The following FOXN3 variants were observed in gnomAD, a reference collection of about 807,000 sequenced individuals.
The protein encoded by FOXN3 is forkhead box N3.
A neutral mutation model predicts 38.4 loss-of-function variants in FOXN3; 7 were observed. The observed-to-expected ratio is 0.18, with a 90% CI of 0.10 to 0.34. FOXN3 has a LOEUF of 0.34. Among genes scored for constraint, FOXN3 ranks in the 10% least tolerant of loss-of-function variants. The pLI is 1.00. For missense variants in FOXN3, 456 were observed against 613.4 expected (o/e 0.74, Z 2.71); for synonymous variants, 230 against 242.2 (o/e 0.95, Z 0.47).
In FOXN3 at chr14:89,261,619, C is replaced by T. The variant is rs533328409; in HGVS notation, c.745+19331G>A. ...GACCAGCCCAGCCAACAGGGTGAAA[C>T]CCTGTCTGTACTAAAAATACAAAAA... On this transcript the variant is annotated intron_variant, in intron 4 of 5. Transcript: ENST00000557258. Among the ~76,000 whole-genome samples the T allele has an allele frequency of 6.7e-4, 102 of 152,142 alleles. 1 individual carries two copies. The highest frequency in any genetic ancestry group is 2.3e-3 in the African/African-American group (97 of 41,508).
At chr14:89,359,930 C>T (rs532269952) in intron 2 of FOXN3, among the ~76,000 whole-genome samples, 2 of 152,150 alleles carry the variant, frequency 1.3e-5, no homozygotes, top group African/African-American at 2.4e-5. Context: ...GGAACTGGAG[C>T]GGATATGGTC....
At chr14:89,471,283 A>C (rs1237027340) in intron 1 of FOXN3, among the ~76,000 whole-genome samples, 1 of 152,132 alleles carries the variant, frequency 6.6e-6, no homozygotes, top group East Asian at 1.9e-4. Context: ...CCTGAGAGTA[A>C]TCCATTTTCC....
intron 1 of FOXN3, among the ~76,000 whole-genome samples, chr14:89,547,153 T>A (rs747669271): frequency 6.6e-6 from 1 of 152,206 alleles, no homozygotes; most frequent in Non-Finnish European, 1.5e-5. Flanking sequence ...AGATTGCTGA[T>A]GGGAATGTGA....
intron 3 of FOXN3, among the ~76,000 whole-genome samples, chr14:89,344,578 TA>T (rs1440619150): frequency 1.3e-5 from 2 of 152,240 alleles, no homozygotes; most frequent in East Asian, 3.8e-4. Context: ...TGTCACTCTC[TA>T]AAAACAATCT....
intron 3 of FOXN3, among the ~76,000 whole-genome samples, chr14:89,331,878 A>G (rs1888257129): frequency 6.6e-6 from 1 of 152,172 alleles, no homozygotes; most frequent in Admixed American, 6.5e-5. Flanking sequence ...ACGGAGTGGT[A>G]ATCTTTATTT....
chr14:89,470,869 G>A (rs1055894431), intron 1 of FOXN3, among the ~76,000 whole-genome samples: 1 of 152,168 alleles, frequency 6.6e-6, no homozygotes, highest in Non-Finnish European at 1.5e-5. Flanking sequence ...ACCTTCATGA[G>A]GGGGAGGAAC....
At chr14:89,525,889 A>C (rs1321434929) in intron 1 of FOXN3, among the ~76,000 whole-genome samples, 1 of 152,188 alleles carries the variant, frequency 6.6e-6, no homozygotes, top group African/African-American at 2.4e-5. Flanking sequence ...TTAGCAAATC[A>C]AATCCAATAA....
intron 1 of FOXN3, among the ~76,000 whole-genome samples, chr14:89,461,420 G>C (rs1467418346): frequency 2.0e-5 from 3 of 151,984 alleles, no homozygotes; most frequent in Non-Finnish European, 4.4e-5. Flanking sequence ...TACGCACCAG[G>C]AGAAGAGGGA....
intron 1 of FOXN3, among the ~76,000 whole-genome samples, chr14:89,554,032 C>T (rs1328029901): frequency 2.0e-5 from 3 of 152,064 alleles, no homozygotes; most frequent in African/African-American, 7.2e-5. Flanking sequence ...GACGGAGTCC[C>T]GCTCTGTCGC....
chr14:89,255,769 G>T (rs1288988142), intron 4 of FOXN3, among the ~76,000 whole-genome samples: 1 of 152,090 alleles, frequency 6.6e-6, no homozygotes, highest in Non-Finnish European at 1.5e-5. Context: ...AAGGCCTGGG[G>T]TCAGCAAACT....
chr14:89,567,085 A>G (rs555391372), intron 1 of FOXN3, among the ~76,000 whole-genome samples: 1 of 152,352 alleles, frequency 6.6e-6, no homozygotes, highest in South Asian at 2.1e-4. Context: ...AGGACCAGAC[A>G]TCCAGGTGCG....
In FOXN3 at chr14:89,426,598, G is replaced by C. The variant is rs368556834; in HGVS notation, c.-14-14108C>G. On this transcript the variant is annotated intron_variant, in intron 1 of 6. Transcript: ENST00000345097. ...CGCAAATACAAAAACTACCAATGAT[G>C]AGGACTGACTGCATTTAACAAACAC... Among the ~76,000 whole-genome samples the C allele has an allele frequency of 2.6e-5, 4 of 152,278 alleles. No individual in the cohort carries two copies. The East Asian group carries it at 5.8e-4, about 22-fold the overall frequency.
intron 1 of FOXN3, among the ~76,000 whole-genome samples, chr14:89,597,630 C>CAG (rs887466061): frequency 4.6e-5 from 7 of 151,944 alleles, no homozygotes; most frequent in Middle Eastern, 3.2e-3. Context: ...GAGAGAGAGA[C>CAG]AGAGAGAGAG....
intron 2 of FOXN3, among the ~76,000 whole-genome samples, chr14:89,367,702 A>G (rs1318575048): frequency 6.6e-6 from 1 of 151,884 alleles, no homozygotes; most frequent in East Asian, 1.9e-4. Context: ...AAACAAACAG[A>G]ATCTACCCAG....
intron 2 of FOXN3, chr14:89,401,461 G>C: frequency 2.5e-6 from 1 of 393,354 alleles, no homozygotes; most frequent in African/African-American, 2.1e-5. Flanking sequence ...TATTCTGCAA[G>C]ACCTCAGAAC....
chr14:89,288,713 T>C (rs1886743375), intron 3 of FOXN3, among the ~76,000 whole-genome samples: 15 of 68,036 alleles, frequency 2.2e-4, no homozygotes, highest in Non-Finnish European at 3.9e-4. Flanking sequence ...TCTCTCTCTC[T>C]CTCTCTCTCT....
chr14:89,217,192 T>G (rs1022809501), intron 4 of FOXN3, among the ~76,000 whole-genome samples: 1 of 152,314 alleles, frequency 6.6e-6, no homozygotes, highest in Admixed American at 6.5e-5. Context: ...TGGAGTGCAG[T>G]GCTGCGATCA....
chr14:89,394,355 C>G (rs1032567245), intron 2 of FOXN3, among the ~76,000 whole-genome samples: 4 of 151,902 alleles, frequency 2.6e-5, no homozygotes, highest in Non-Finnish European at 4.4e-5. Flanking sequence ...AGGTGCCCAC[C>G]ACCACGCCCA....
intron 4 of FOXN3, among the ~76,000 whole-genome samples, chr14:89,258,926 CG>C (rs1335104095): frequency 6.6e-6 from 1 of 152,226 alleles, no homozygotes; most frequent in African/African-American, 2.4e-5. Context: ...CTCACATGCT[CG>C]GTTATCCCCT....
Sources: gnomAD v4.1 joint callset for allele counts (sites outside exome capture counted in the v4.1 genomes callset) on GRCh38, gnomAD v4.1.1 for gene constraint, MANE v1.5 for transcripts, NCBI Gene and HGNC (gene_info 2026-07-23, HGNC 2026-07-21) for gene names.